MTF1: variants seen among roughly 807,000 people sequenced by gnomAD.
The protein encoded by MTF1 is MRE-binding transcription factor.
MTF1 carries 22 observed loss-of-function variants against 70.4 expected under a neutral mutation model. That is an observed-to-expected ratio of 0.31 (90% confidence interval 0.22 to 0.45). The LOEUF is 0.45. MTF1 is among the 20% of genes least tolerant of loss of function. The probability of loss-of-function intolerance (pLI) is 1.00; values close to 1 mark genes in which losing one functional copy is unlikely to be tolerated. For missense variants in MTF1, 649 were observed against 922.0 expected (o/e 0.70, Z 3.83); for synonymous variants, 333 against 352.8 (o/e 0.94, Z 0.63).
At chr1:37,832,377 A>G in intron 6 of MTF1, 55 bp from the exon 7 acceptor site, 3 of 1,094,296 alleles carry the variant, frequency 2.7e-6, no homozygotes, top group Non-Finnish European at 2.8e-6. Context: ...TTACAGTGGC[A>G]TATCATGTAA....
chr1:37,834,764 G>A, intron 6 of MTF1: 1 of 510,618 alleles, frequency 2.0e-6, no homozygotes, highest in Non-Finnish European at 3.8e-6. Flanking sequence ...TGGAGTGTGA[G>A]GGAAAAAAGA....
rs1258553058 is a variant in MTF1 at position 37,810,210 on chromosome 1, G to C, written c.*4926C>G. 6.6e-6 allele frequency: 1 copy of C among 152,388 alleles called. No individual in the cohort carries two copies. The allele number at this position is 152,388 out of a possible 1,614,324, so 9.4% of individuals were successfully genotyped here. ...CTTGGCACACTACGAGGATAACAAG[G>C]ATATTGCAAAAAACACCCCTGGGTT... On this transcript the variant is annotated 3_prime_UTR_variant, in exon 11 of 11. Coordinates refer to ENST00000373036, the MANE Select transcript of MTF1 (RefSeq NM_005955.3).
At chr1:37,831,170 T>C (rs1317550600) in intron 7 of MTF1, among the ~76,000 whole-genome samples, 1 of 152,178 alleles carries the variant, frequency 6.6e-6, no homozygotes, top group East Asian at 1.9e-4. Context: ...TTGTTTTTTA[T>C]ATTTTGTCTA....
At chr1:37,847,655 A>G (rs1025080905) in intron 2 of MTF1, among the ~76,000 whole-genome samples, 10 of 152,218 alleles carry the variant, frequency 6.6e-5, no homozygotes, top group African/African-American at 2.4e-4. Context: ...TGGTATCCAC[A>G]GAACGCCTGC....
chr1:37,834,439 G>A (rs1454423992), intron 6 of MTF1, among the ~76,000 whole-genome samples: 1 of 151,894 alleles, frequency 6.6e-6, no homozygotes, highest in Non-Finnish European at 1.5e-5. Flanking sequence ...GGGAAAGACT[G>A]CTTGGACCTT....
chr1:37,857,760 C>T, intron 1 of MTF1, 51 bp from the exon 2 acceptor site: 2 of 1,131,514 alleles, frequency 1.8e-6, no homozygotes, highest in Non-Finnish European at 2.5e-6. Flanking sequence ...ACCGACGGAC[C>T]TCCTCAGCAA....
chr1:37,814,738 C>A lies in MTF1; in HGVS notation c.*398G>T. The A allele has an allele frequency of 5.1e-6, 1 of 197,926 alleles. No individual in the cohort carries two copies. The highest frequency in any genetic ancestry group is 1.1e-5 in the Non-Finnish European group (1 of 94,930). The allele number at this position is 197,926 out of a possible 1,614,324, so 12.3% of individuals were successfully genotyped here. ...ATAGGAAGGAGCAACACCCAACACA[C>A]TGAAAACTCCTGCCCGATCCACAAA... On this transcript the variant is annotated 3_prime_UTR_variant, in exon 11 of 11. Coordinates refer to ENST00000373036, the MANE Select transcript of MTF1 (RefSeq NM_005955.3).
Position 37,840,900 on chromosome 1 carries a change from T to C in MTF1, c.409-742A>G, listed in dbSNP as rs1373828355. 1 of 238,198 alleles carries C rather than the reference T, an allele frequency of 4.2e-6. No individual in the cohort carries two copies. Among genetic ancestry groups the C allele is most frequent in the Non-Finnish European group, 8.3e-6 (1 of 121,100 alleles). The allele number at this position is 238,198 out of a possible 1,614,324, so 14.8% of individuals were successfully genotyped here. A position where few individuals can be genotyped will look rare whatever the true frequency, so the allele number is the denominator to read the frequency against. ...TCCTCAGAGACTTTGGCAGGGATATTGGGGCCAGGGTCATGGCTGTGGTTG... is the reference window on the plus strand; with the variant it reads ...TCCTCAGAGACTTTGGCAGGGATATCGGGGCCAGGGTCATGGCTGTGGTTG... On this transcript the variant is annotated intron_variant, in intron 2 of 10. Coordinates refer to ENST00000373036, the MANE Select transcript of MTF1 (RefSeq NM_005955.3). The surrounding 1 kb of genome is among the most constrained non-coding windows in gnomAD (Gnocchi z 4.5).
At chr1:37,828,260 G>C (rs982554404) in intron 7 of MTF1, 2 of 344,796 alleles carry the variant, frequency 5.8e-6, no homozygotes, top group Admixed American at 3.9e-5. Flanking sequence ...GCTTTTGGGG[G>C]TATGTGAGGG....
At chr1:37,853,896 C>A (rs1641452788) in intron 2 of MTF1, among the ~76,000 whole-genome samples, 1 of 152,212 alleles carries the variant, frequency 6.6e-6, no homozygotes, top group Non-Finnish European at 1.5e-5. Context: ...GCAACATCCA[C>A]AGAGCATAAC....
intron 7 of MTF1, among the ~76,000 whole-genome samples, chr1:37,824,195 T>G (rs1461435977): frequency 1.3e-5 from 2 of 152,164 alleles, no homozygotes; most frequent in African/African-American, 2.4e-5. Flanking sequence ...TGCCAGTTGA[T>G]TTCCTGTTTT....
Position 37,815,487 on chromosome 1 carries a change from T to A in MTF1, c.1911A>T (p.Ala637=). 2 of 1,580,756 alleles carry A rather than the reference T, an allele frequency of 1.3e-6. No individual in the cohort carries two copies. The highest frequency in any genetic ancestry group is 1.7e-6 in the Non-Finnish European group (2 of 1,164,260). Residue 637 remains alanine (A), a synonymous_variant, in exon 11 of 11, where the codon GCA becomes GCT. Transcript: ENST00000373036. This position sits in a 1 kb window ranked among gnomAD's most constrained non-coding sequence, Gnocchi z 4.5. The stretch of plus-strand genomic sequence containing the variant: ...CCCGCTCCTTTGCAGAGTCCCGGCA[T>A]GCACACTGACACTGACATGCCTCTT... ...KQEEACQCQC[A]CRDSAKERAS...
chr1:37,817,309 G>T, intron 10 of MTF1, 110 bp downstream of exon 10: 1 of 737,260 alleles, frequency 1.4e-6, no homozygotes. Flanking sequence ...TTTAACTGAG[G>T]CTGTTTAAAG....
chr1:37,816,278 G>A (rs1194791703), intron 10 of MTF1, among the ~76,000 whole-genome samples: 2 of 152,190 alleles, frequency 1.3e-5, no homozygotes, highest in African/African-American at 2.4e-5. Flanking sequence ...ATGCCTGTAT[G>A]TAATCCCTGT....
Position 37,809,671 on chromosome 1 carries a change from A to G in MTF1, c.*5465T>C, listed in dbSNP as rs1640671589. 1 of 153,554 alleles carries G rather than the reference A, an allele frequency of 6.5e-6. No individual in the cohort carries two copies. The highest frequency in any genetic ancestry group is 2.4e-5 in the African/African-American group (1 of 41,476). The allele number at this position is 153,554 out of a possible 1,614,324, so 9.5% of individuals were successfully genotyped here. A position where few individuals can be genotyped will look rare whatever the true frequency, so the allele number is the denominator to read the frequency against. ...CACTTTTTAGCAGATATTTTAAAGTACAATATTAAGTTTATACAAAATGAG... is the reference window on the plus strand; with the variant it reads ...CACTTTTTAGCAGATATTTTAAAGTGCAATATTAAGTTTATACAAAATGAG... On this transcript the variant is annotated 3_prime_UTR_variant, in exon 11 of 11. Transcript: ENST00000373036.
chr1:37,824,670 C>T (rs547373423), intron 7 of MTF1, among the ~76,000 whole-genome samples: 56 of 152,172 alleles, frequency 3.7e-4, no homozygotes, highest in African/African-American at 1.2e-3. Context: ...TGCACTCCAG[C>T]GTGGGCGACA....
intron 7 of MTF1, among the ~76,000 whole-genome samples, chr1:37,831,688 T>C (rs560768369): frequency 1.3e-5 from 2 of 152,316 alleles, no homozygotes; most frequent in Admixed American, 6.5e-5. Context: ...AAAGTGGGCT[T>C]GTCCTTTAGC....
At chr1:37,850,413 C>T (rs150098141) in intron 2 of MTF1, among the ~76,000 whole-genome samples, 49 of 151,660 alleles carry the variant, frequency 3.2e-4, no homozygotes, top group Admixed American at 9.2e-4. Context: ...CAGTGAGCTA[C>T]GATCCCACCA....
At chr1:37,847,666 A>C (rs1641353612) in intron 2 of MTF1, among the ~76,000 whole-genome samples, 1 of 152,194 alleles carries the variant, frequency 6.6e-6, no homozygotes, top group Non-Finnish European at 1.5e-5. Context: ...GAACGCCTGC[A>C]GGGGACTACA....
Sources: gnomAD v4.1 joint callset for allele counts (sites outside exome capture counted in the v4.1 genomes callset) on GRCh38, gnomAD v4.1.1 for gene constraint, Gnocchi (gnomAD v3.1) non-coding constraint, MANE v1.5 for transcripts, NCBI Gene and HGNC (gene_info 2026-07-23, HGNC 2026-07-21) for gene names.